Variants in EXOC4 observed in about 807,000 individuals in gnomAD.
The protein encoded by EXOC4 is exocyst complex component 4.
Under a neutral mutation model 107.2 loss-of-function variants are expected in EXOC4, and 71 were observed. The observed-to-expected ratio is 0.66, with a 90% CI of 0.55 to 0.81. The LOEUF (loss-of-function observed/expected upper bound fraction) is 0.81. Among genes scored for constraint, EXOC4 ranks in the 30% least tolerant of loss-of-function variants. The pLI, the probability that EXOC4 is intolerant of heterozygous loss-of-function variation, is 0.00. For missense variants in EXOC4, 1,108 were observed against 1,189.6 expected, an observed-to-expected ratio of 0.93 and a Z score of 1.01; for synonymous variants, 456 against 441.2, an observed-to-expected ratio of 1.03 and a Z score of -0.42.
chr7:133,817,164 T>A (rs1797391965), intron 10 of EXOC4, among the ~76,000 whole-genome samples, 161 bp from the exon 11 acceptor site: 1 of 152,186 alleles, frequency 6.6e-6, no homozygotes, highest in Admixed American at 6.5e-5. Flanking sequence ...GTGGAGTAAT[T>A]TAGATTTTTA....
chr7:133,946,916 G>T (rs1585269199), intron 14 of EXOC4, among the ~76,000 whole-genome samples: 1 of 152,128 alleles, frequency 6.6e-6, no homozygotes, highest in African/African-American at 2.4e-5. Context: ...CCCCAATCAT[G>T]GTTACTTTTG....
At chr7:133,434,673 T>C (rs928740152) in intron 7 of EXOC4, among the ~76,000 whole-genome samples, 5 of 152,148 alleles carry the variant, frequency 3.3e-5, no homozygotes, top group Admixed American at 6.5e-5. Flanking sequence ...CCATACACCA[T>C]TGATGTTGCT....
intron 5 of EXOC4, among the ~76,000 whole-genome samples, chr7:133,353,530 C>T (rs1795957258): frequency 6.6e-6 from 1 of 152,042 alleles, no homozygotes; most frequent in African/African-American, 2.4e-5. Context: ...ATTGGGGATC[C>T]TGTATATGAT....
rs527959672 is a variant in EXOC4 at position 133,911,767 on chromosome 7, G to T, written c.1872-5816G>T. On this transcript the variant is annotated intron_variant, in intron 12 of 17. Transcript: ENST00000253861. Reference sequence around the variant, plus strand: ...TTCCTGAACCTGAGGGCAGATATGGGCCAGCATGGATGCGCTCAAAGACGT... The same window carrying T: ...TTCCTGAACCTGAGGGCAGATATGGTCCAGCATGGATGCGCTCAAAGACGT... Among the ~76,000 whole-genome samples, 37 of 152,282 alleles carry T rather than the reference G, an allele frequency of 2.4e-4. No individual in the cohort carries two copies. The East Asian group carries it at 6.9e-3, about 29-fold the overall frequency.
chr7:133,967,700 T>C (rs1159963703), intron 14 of EXOC4, among the ~76,000 whole-genome samples: 1 of 152,236 alleles, frequency 6.6e-6, no homozygotes, highest in Non-Finnish European at 1.5e-5. Context: ...AGACGGTTTG[T>C]TATGATTTCC....
At chr7:133,378,038 C>T (rs910097841) in intron 7 of EXOC4, among the ~76,000 whole-genome samples, 5 of 151,818 alleles carry the variant, frequency 3.3e-5, no homozygotes, top group African/African-American at 7.2e-5. Context: ...CAGCCATGCG[C>T]GATGGCTCAT....
At chr7:133,775,059 A>T (rs1202518801) in intron 10 of EXOC4, among the ~76,000 whole-genome samples, 1 of 152,162 alleles carries the variant, frequency 6.6e-6, no homozygotes, top group African/African-American at 2.4e-5. Flanking sequence ...AAAAAGAGTT[A>T]ACTCTATGGA....
At chr7:133,912,360 C>G (rs1480205375) in intron 12 of EXOC4, among the ~76,000 whole-genome samples, 2 of 152,086 alleles carry the variant, frequency 1.3e-5, no homozygotes, top group Non-Finnish European at 2.9e-5. Context: ...AATAATCGCT[C>G]TTTGGTTCAT....
At chr7:133,355,110 T>C (rs930471766) in intron 5 of EXOC4, among the ~76,000 whole-genome samples, 1 of 152,204 alleles carries the variant, frequency 6.6e-6, no homozygotes, top group South Asian at 2.1e-4. Context: ...TCATTCCATA[T>C]ACTGGGATGT....
chr7:133,310,295 A>T (rs1346545259), intron 4 of EXOC4, among the ~76,000 whole-genome samples: 1 of 152,144 alleles, frequency 6.6e-6, no homozygotes, highest in African/African-American at 2.4e-5. Flanking sequence ...CTGAACCCTG[A>T]ATCTACCTGC....
intron 5 of EXOC4, among the ~76,000 whole-genome samples, chr7:133,321,735 A>G (rs1305839981): frequency 6.6e-6 from 1 of 152,212 alleles, no homozygotes; most frequent in Non-Finnish European, 1.5e-5. Flanking sequence ...TTGGGTATAT[A>G]CCCAGTAATG....
At chr7:133,321,834 C>T (rs1272049330) in intron 5 of EXOC4, among the ~76,000 whole-genome samples, 1 of 152,192 alleles carries the variant, frequency 6.6e-6, no homozygotes, top group Non-Finnish European at 1.5e-5. Context: ...ATTTACACTC[C>T]CACCAACAGT....
intron 14 of EXOC4, among the ~76,000 whole-genome samples, chr7:133,965,960 C>T (rs1017235013): frequency 1.6e-4 from 24 of 152,138 alleles, no homozygotes; most frequent in East Asian, 3.9e-4. Flanking sequence ...TCCATAAGCA[C>T]GGAATGTTTT....
intron 9 of EXOC4, among the ~76,000 whole-genome samples, chr7:133,545,401 C>T (rs993271642): frequency 1.5e-4 from 23 of 151,908 alleles, no homozygotes; most frequent in African/African-American, 5.3e-4. Context: ...TGCCTAGAAC[C>T]GCAGAAAACT....
At chr7:133,554,435 T>C (rs1800653844) in intron 9 of EXOC4, among the ~76,000 whole-genome samples, 1 of 152,190 alleles carries the variant, frequency 6.6e-6, no homozygotes, top group South Asian at 2.1e-4. Context: ...AAAGAGTTGT[T>C]TATTGCTCTG....
Position 133,253,163 on chromosome 7 carries a change from C to T in EXOC4, c.62C>T (p.Ser21Leu), listed in dbSNP as rs183280115. Residue 21 changes from serine (S) to leucine (L), a missense_variant, in exon 1 of 18, where the codon TCG (serine) becomes TTG (leucine). By Grantham distance (145) the Ser-to-Leu change is moderately radical. Transcript: ENST00000253861. ...RSTVSKSKDP[S>L]GLLISVIRTL... ...ACAGTCAGCAAAAGCAAAGACCCCT[C>T]GGGGCTGCTCATCTCTGTGATCAGG... is the stretch of plus-strand genomic sequence containing the variant. The T allele has an allele frequency of 1.9e-6, 3 of 1,614,162 alleles. No individual in the cohort carries two copies. Among genetic ancestry groups the T allele is most frequent in the Admixed American group, 1.7e-5 (1 of 60,022 alleles).
intron 7 of EXOC4, among the ~76,000 whole-genome samples, chr7:133,465,701 G>A (rs771786247): frequency 2.0e-4 from 31 of 151,976 alleles, no homozygotes; most frequent in Admixed American, 5.9e-4. Context: ...TCCTCTGACC[G>A]CAACAGAATT....
chr7:133,787,126 A>G (rs1796585624), intron 10 of EXOC4, among the ~76,000 whole-genome samples: 1 of 151,914 alleles, frequency 6.6e-6, no homozygotes, highest in South Asian at 2.1e-4. Flanking sequence ...CATTTTCTGT[A>G]AGGTACTTTT....
downstream of EXOC4, among the ~76,000 whole-genome samples, chr7:134,067,634 T>TACACACACACACAC (rs375285410): frequency 2.8e-4 from 37 of 133,806 alleles, no homozygotes; most frequent in African/African-American, 6.5e-4. Flanking sequence ...CTTATATATA[T>TACACACACACACAC]ATATACACAC....
Sources: allele counts gnomAD v4.1 joint callset (sites outside exome capture counted in the v4.1 genomes callset), GRCh38; gene constraint gnomAD v4.1.1; transcripts MANE v1.5; gene names NCBI Gene and HGNC (gene_info 2026-07-23, HGNC 2026-07-21).